Variants in TNRC6A observed in about 807,000 individuals in gnomAD.
TNRC6A encodes trinucleotide repeat containing adaptor 6A.
TNRC6A carries 44 observed loss-of-function variants against 221.2 expected under a neutral mutation model. That is an observed-to-expected ratio of 0.20 (90% CI 0.16 to 0.26). The LOEUF (loss-of-function observed/expected upper bound fraction) is 0.26, where lower values mean the gene tolerates loss of function less well. Ranked by LOEUF, TNRC6A falls within the 10% of genes least tolerant of loss-of-function variation. The pLI is 1.00. For missense variants in TNRC6A, 2,199 were observed against 2,404.4 expected (o/e 0.91, Z 1.79); for synonymous variants, 847 against 838.5 (o/e 1.01, Z -0.18).
At chr16:24,619,528 T>C (rs180930884) in intron 1 of TNRC6A, among the ~76,000 whole-genome samples, 67 of 152,324 alleles carry the variant, frequency 4.4e-4, no homozygotes, top group African/African-American at 1.5e-3. Context: ...ATAACTGAGC[T>C]GTCACTCTAG....
chr16:24,616,964 T>G (rs1186232596), intron 1 of TNRC6A, among the ~76,000 whole-genome samples: 1 of 150,380 alleles, frequency 6.6e-6, no homozygotes, highest in East Asian at 2.0e-4. Flanking sequence ...GTATAAAATT[T>G]TATATATGTT....
chr16:24,761,144 C>G (rs1000172549), intron 4 of TNRC6A, among the ~76,000 whole-genome samples: 6 of 152,096 alleles, frequency 3.9e-5, no homozygotes, highest in Admixed American at 2.6e-4. Context: ...CCAAGTTTAG[C>G]CACATGTGGC....
chr16:24,685,013 G>A (rs2055599327), intron 2 of TNRC6A, among the ~76,000 whole-genome samples: 1 of 152,026 alleles, frequency 6.6e-6, no homozygotes, highest in Non-Finnish European at 1.5e-5. Flanking sequence ...CATGCTCTTG[G>A]GAACTTCAGC....
intron 2 of TNRC6A, among the ~76,000 whole-genome samples, chr16:24,672,733 C>T (rs950290464): frequency 1.3e-5 from 2 of 151,732 alleles, no homozygotes; most frequent in African/African-American, 2.4e-5. Context: ...CATCATGAGC[C>T]GCTGTGCCTG....
At chr16:24,750,433 T>C (rs2057109940) in intron 2 of TNRC6A, among the ~76,000 whole-genome samples, 1 of 152,066 alleles carries the variant, frequency 6.6e-6, no homozygotes, top group Non-Finnish European at 1.5e-5. Context: ...CATTCTAGGA[T>C]TGGAGGAAAT....
At chr16:24,661,171 G>T (rs1047255391) in intron 2 of TNRC6A, among the ~76,000 whole-genome samples, 1 of 151,958 alleles carries the variant, frequency 6.6e-6, no homozygotes, top group African/African-American at 2.4e-5. Context: ...ATTTTAGTGC[G>T]CCTGTCAAAG....
chr16:24,764,147 G>GT (rs71383713), intron 4 of TNRC6A, among the ~76,000 whole-genome samples: 30,480 of 141,012 alleles, frequency 0.22, 4,089 homozygotes, highest in Non-Finnish European at 0.32. Flanking sequence ...GTATTTGACT[G>GT]TTTTTTTTTT....
intron 2 of TNRC6A, among the ~76,000 whole-genome samples, chr16:24,678,534 A>C (rs2055466055): frequency 6.6e-6 from 1 of 152,160 alleles, no homozygotes; most frequent in Non-Finnish European, 1.5e-5. Context: ...TGACCAGTGC[A>C]TGAGCTTAGA....
chr16:24,631,856 G>A (rs1026133165), intron 1 of TNRC6A, among the ~76,000 whole-genome samples: 1 of 151,438 alleles, frequency 6.6e-6, no homozygotes, highest in Non-Finnish European at 1.5e-5. Flanking sequence ...TTCTTTTCTT[G>A]TTTGTTTGAG....
chr16:24,801,242 G>A (rs922128270), intron 11 of TNRC6A, among the ~76,000 whole-genome samples: 18 of 152,138 alleles, frequency 1.2e-4, no homozygotes, highest in African/African-American at 3.9e-4. Context: ...ATAATGGACC[G>A]AAGACAGTCC....
intron 2 of TNRC6A, among the ~76,000 whole-genome samples, chr16:24,714,770 A>G (rs1466733946): frequency 6.6e-6 from 1 of 151,940 alleles, no homozygotes; most frequent in East Asian, 1.9e-4. Context: ...TTTTCTTCTA[A>G]TTTTAGCACC....
At chr16:24,694,660 A>G (rs1489402168) in intron 2 of TNRC6A, among the ~76,000 whole-genome samples, 2 of 148,432 alleles carry the variant, frequency 1.3e-5, no homozygotes, top group Non-Finnish European at 3.0e-5. Flanking sequence ...TCTCAAAAAA[A>G]AAAAAAAAAA....
At position 24,795,958 on chromosome 16, in the gene TNRC6A, C is replaced by T. The variant is rs752640618; in HGVS notation, c.3561+19C>T. On this transcript the variant is annotated intron_variant, in intron 9 of 24. Coordinates refer to ENST00000395799, the MANE Select transcript of TNRC6A (RefSeq NM_014494.4). ...GGAAAGGGTGTGTAGCCTTTTTACTCTTTCTCCTTTGTTTCTACTAGTAAA... is the reference window on the plus strand; with the variant it reads ...GGAAAGGGTGTGTAGCCTTTTTACTTTTTCTCCTTTGTTTCTACTAGTAAA... 3.1e-6 allele frequency: 5 copies of T among 1,612,984 alleles called. No individual in the cohort carries two copies. Among genetic ancestry groups the T allele is most frequent in the Non-Finnish European group, 3.4e-6 (4 of 1,179,204 alleles).
At chr16:24,647,053 C>A (rs377429910) in intron 2 of TNRC6A, among the ~76,000 whole-genome samples, 1 of 151,880 alleles carries the variant, frequency 6.6e-6, no homozygotes, top group African/African-American at 2.4e-5. Flanking sequence ...TCAGCCTCCT[C>A]CCCAGTAGCT....
chr16:24,643,794 C>T (rs1024605248), intron 2 of TNRC6A, among the ~76,000 whole-genome samples: 1 of 152,154 alleles, frequency 6.6e-6, no homozygotes, highest in Non-Finnish European at 1.5e-5. Flanking sequence ...GATCCTATGC[C>T]GAATTTGACT....
intron 5 of TNRC6A, among the ~76,000 whole-genome samples, chr16:24,785,404 T>C (rs1488639250): frequency 6.6e-6 from 1 of 152,242 alleles, no homozygotes; most frequent in Admixed American, 6.5e-5. Context: ...TAGCCAGCAA[T>C]AAAATATAAT....
intron 4 of TNRC6A, among the ~76,000 whole-genome samples, chr16:24,758,608 T>C (rs939359452): frequency 5.3e-5 from 8 of 152,172 alleles, no homozygotes; most frequent in Non-Finnish European, 1.2e-4. Flanking sequence ...GAGTAAGCAC[T>C]GCTTCCTAAT....
chr16:24,791,168 A>G lies in TNRC6A; in HGVS notation c.2526A>G (p.Gly842=). 6.2e-7 allele frequency: 1 copy of G among 1,614,116 alleles called. No homozygotes were observed. Among genetic ancestry groups the G allele is most frequent in the Non-Finnish European group, 8.5e-7 (1 of 1,180,014 alleles). ...AGAATAAACAGGGATGGGGTGATGG[A>G]CAAAAATCAAGCCAAGGGTGGTCTG... ...SQKNKQGWGD[G]QKSSQGWSVS... Residue 842 remains glycine, a synonymous_variant, in exon 6 of 25, where the codon GGA becomes GGG. Coordinates refer to ENST00000395799, the MANE Select transcript of TNRC6A (RefSeq NM_014494.4).
intron 6 of TNRC6A, among the ~76,000 whole-genome samples, chr16:24,792,180 A>G (rs1287185806): frequency 1.3e-5 from 2 of 151,696 alleles, no homozygotes; most frequent in East Asian, 3.9e-4. Context: ...TAAATACAGT[A>G]CTCTCTAAAC....
Sources: allele counts gnomAD v4.1 joint callset (sites outside exome capture counted in the v4.1 genomes callset), GRCh38; gene constraint gnomAD v4.1.1; transcripts MANE v1.5; gene names NCBI Gene and HGNC (gene_info 2026-07-23, HGNC 2026-07-21).